Variants in TG observed in about 807,000 individuals in gnomAD.
The protein encoded by TG is thyroglobulin, also known as thyroid hormones.
In TG, 270 loss-of-function variants were observed where a neutral mutation model predicts 324.7. That is an observed-to-expected ratio of 0.83 (90% confidence interval 0.75 to 0.92). The LOEUF (loss-of-function observed/expected upper bound fraction) is 0.92. TG is among the 40% of genes least tolerant of loss of function. The pLI, the probability that TG is intolerant of heterozygous loss-of-function variation, is 0.00. For missense variants in TG, 3,591 were observed against 3,456.4 expected (o/e 1.04, Z -0.98); for synonymous variants, 1,401 against 1,327.0 (o/e 1.06, Z -1.21).
intron 41 of TG, among the ~76,000 whole-genome samples, chr8:133,053,935 G>A (rs1367308548): frequency 2.6e-5 from 4 of 152,150 alleles, no homozygotes; most frequent in Non-Finnish European, 5.9e-5. Flanking sequence ...CTGATCCTTT[G>A]CAAGAGATTT....
Position 132,908,289 on chromosome 8 carries a change from C to T in TG, c.3951C>T (p.Phe1317=). The T allele has an allele frequency of 6.2e-7, 1 of 1,613,612 alleles. No homozygotes were observed. The highest frequency in any genetic ancestry group is 8.5e-7 in the Non-Finnish European group (1 of 1,179,868). The change falls in exon 18 of 48, where the codon TTC becomes TTT. Residue 1317 remains phenylalanine (F), a synonymous_variant. Coordinates refer to ENST00000220616, the MANE Select transcript of TG (RefSeq NM_003235.5). ...SADYADLLQT[F]QVFILDELTA... is the part of the protein sequence containing the mutation. ...ACTACGCGGATTTGCTGCAGACTTT[C>T]CAGGTTTTCATATTGGATGAGCTGA...
At chr8:133,041,784 G>GTTTTC (rs1838291216) in intron 41 of TG, among the ~76,000 whole-genome samples, 1 of 124,422 alleles carries the variant, frequency 8.0e-6, no homozygotes, top group Non-Finnish European at 1.7e-5. Context: ...CTTGTGGTCA[G>GTTTTC]TTTTTTTTTT....
chr8:133,039,872 G>A (rs1228549194), intron 41 of TG: 9 of 1,459,818 alleles, frequency 6.2e-6, no homozygotes, highest in African/African-American at 2.8e-5. Flanking sequence ...GTTTCAGCAG[G>A]GCTGGCTGAC....
rs941642419 is a variant in TG at position 133,086,559 on chromosome 8, A to C, written c.7240-8485A>C. Among the ~76,000 whole-genome samples the C allele has an allele frequency of 1.7e-4, 26 of 152,294 alleles. 1 individual carries two copies. Among genetic ancestry groups the C allele is most frequent in the South Asian group, 1.0e-3 (5 of 4,828 alleles). ...TTTATTATCTTTTTGATGAAAAAAA[A>C]CTATACCTTTTGACTCAGTAATGCC... On this transcript the variant is annotated intron_variant, in intron 41 of 47. Transcript: ENST00000220616.
intron 45 of TG, among the ~76,000 whole-genome samples, chr8:133,117,846 G>T (rs948992356): frequency 2.0e-5 from 3 of 152,198 alleles, no homozygotes; most frequent in Non-Finnish European, 2.9e-5. Flanking sequence ...CAGCTTTAGA[G>T]GTGGGGGTCC....
intron 28 of TG, 25 bp downstream of exon 28, chr8:132,961,098 G>A (rs1299903895): frequency 6.2e-7 from 1 of 1,612,110 alleles, no homozygotes; most frequent in African/African-American, 1.3e-5. Context: ...GGAAGAGGGG[G>A]TTAGCAGGAC....
At chr8:132,984,718 T>A (rs1004275576) in intron 35 of TG, among the ~76,000 whole-genome samples, 1 of 152,022 alleles carries the variant, frequency 6.6e-6, no homozygotes. Context: ...CTGAGGTGGG[T>A]GGATCACGAG....
chr8:132,895,182 A>G (rs554342655), intron 11 of TG, among the ~76,000 whole-genome samples: 6 of 152,370 alleles, frequency 3.9e-5, no homozygotes, highest in African/African-American at 1.4e-4. Flanking sequence ...CTGTCTTTGA[A>G]TCTTACTCAG....
chr8:132,999,372 TC>T (rs1833225723), intron 35 of TG, among the ~76,000 whole-genome samples: 1 of 152,152 alleles, frequency 6.6e-6, no homozygotes, highest in South Asian at 2.1e-4. Context: ...GACATTCATT[TC>T]CCCAGTTAGG....
intron 43 of TG, among the ~76,000 whole-genome samples, chr8:133,108,872 G>T (rs547265594): frequency 3.9e-5 from 6 of 152,330 alleles, no homozygotes; most frequent in South Asian, 2.1e-4. Context: ...TGAGGGCCAT[G>T]GGGGCCCCTG....
intron 41 of TG, among the ~76,000 whole-genome samples, chr8:133,084,490 G>A (rs1479382731): frequency 6.6e-6 from 1 of 152,156 alleles, no homozygotes; most frequent in Admixed American, 6.5e-5. Context: ...CACTCATGGT[G>A]TCACTTTTAA....
intron 34 of TG, among the ~76,000 whole-genome samples, chr8:132,982,802 G>C (rs1367505438): frequency 6.6e-6 from 1 of 152,218 alleles, no homozygotes; most frequent in Non-Finnish European, 1.5e-5. Context: ...GCCTTGCCCA[G>C]TTCACAGAGT....
rs139000534 is a variant in TG at position 133,116,362 on chromosome 8, C to T, written c.7755-247C>T. ...GATGCCTAAAATACATCAGCATGGA[C>T]GCCAGTTTTCGAGCCCACCACCTAC... On this transcript the variant is annotated intron_variant, in intron 44 of 47. Transcript: ENST00000220616. 1.9e-3 allele frequency among the ~76,000 whole-genome samples: 285 copies of T among 152,298 alleles called. 3 individuals are homozygous for T. Among genetic ancestry groups the T allele is most frequent in the South Asian group, 5.0e-3 (24 of 4,828 alleles).
At chr8:132,985,833 A>G (rs1831452019) in intron 35 of TG, among the ~76,000 whole-genome samples, 1 of 151,944 alleles carries the variant, frequency 6.6e-6, no homozygotes, top group Non-Finnish European at 1.5e-5. Flanking sequence ...TTCACTTAAC[A>G]GTGTTTGAAG....
At chr8:132,933,205 TGTGTGTGTATTTGGAG>T (rs748980493) in intron 23 of TG, among the ~76,000 whole-genome samples, 7 of 87,500 alleles carry the variant, frequency 8.0e-5, no homozygotes, top group Non-Finnish European at 1.2e-4. Context: ...TATATTTGTG[TGTGTGTGTATTTGGAG>T]GTGTGTGTAT....
At chr8:132,947,690 T>G (rs1229421148) in intron 26 of TG, among the ~76,000 whole-genome samples, 1 of 152,168 alleles carries the variant, frequency 6.6e-6, no homozygotes, top group Non-Finnish European at 1.5e-5. Context: ...AAAGGTTTAT[T>G]TATCCAAATG....
At chr8:132,913,322 G>A in intron 20 of TG, 57 bp downstream of exon 20, 2 of 1,557,104 alleles carry the variant, frequency 1.3e-6, no homozygotes, top group South Asian at 1.1e-5. Context: ...CTTTAGGAAA[G>A]GCCACCTCAG....
rs868225183 is a variant in TG at position 132,998,014 on chromosome 8, G to A, written c.6263-13887G>A. The stretch of plus-strand genomic sequence containing the variant: ...AAAAAGTGAAGTGTCGGTGTCGAGG[G>A]ACACACTAAAGATAAAGGAAGAATG... On this transcript the variant is annotated intron_variant, in intron 35 of 47. Transcript: ENST00000220616. Among the ~76,000 whole-genome samples, 24 of 152,240 alleles carry A rather than the reference G, an allele frequency of 1.6e-4. 1 individual carries two copies. In the South Asian group the frequency reaches 1.9e-3, roughly 12 times the overall value.
intron 27 of TG, among the ~76,000 whole-genome samples, chr8:132,951,929 G>T (rs970672094): frequency 6.6e-6 from 1 of 152,184 alleles, no homozygotes; most frequent in African/African-American, 2.4e-5. Flanking sequence ...AGGATTCTGG[G>T]TACAGGAACA....
Sources: allele counts gnomAD v4.1 joint callset (sites outside exome capture counted in the v4.1 genomes callset), GRCh38; gene constraint gnomAD v4.1.1; transcripts MANE v1.5; gene names NCBI Gene and HGNC (gene_info 2026-07-23, HGNC 2026-07-21).